Variants in BCAS3 observed in about 807,000 individuals in gnomAD.
BCAS3 encodes the protein BCAS3 microtubule associated cell migration factor.
Under a neutral mutation model 116.1 loss-of-function variants are expected in BCAS3, and 53 were observed. The observed-to-expected ratio is 0.46, with a 90% CI of 0.37 to 0.57. BCAS3 has a LOEUF of 0.57. Ranked by LOEUF, BCAS3 falls within the 20% of genes least tolerant of loss-of-function variation. The probability of loss-of-function intolerance (pLI) is 0.00; values close to 1 mark genes in which losing one functional copy is unlikely to be tolerated. For synonymous variants in BCAS3, 391 were observed against 408.2 expected (o/e 0.96, Z 0.51); for missense variants, 917 against 1,165.4 (o/e 0.79, Z 3.10).
chr17:61,081,310 C>T (rs1447467529), intron 21 of BCAS3, among the ~76,000 whole-genome samples: 1 of 152,106 alleles, frequency 6.6e-6, no homozygotes, highest in African/African-American at 2.4e-5. Flanking sequence ...TGTTTCGTGG[C>T]CTCCTCAGCT....
At chr17:60,931,228 G>A (rs978138984) in intron 13 of BCAS3, among the ~76,000 whole-genome samples, 2 of 152,008 alleles carry the variant, frequency 1.3e-5, no homozygotes, top group Non-Finnish European at 2.9e-5. Context: ...CAGGGACAAA[G>A]TGAATAACAT....
intron 15 of BCAS3, among the ~76,000 whole-genome samples, chr17:60,996,105 A>T (rs2063817457): frequency 6.6e-6 from 1 of 152,092 alleles, no homozygotes; most frequent in South Asian, 2.1e-4. Flanking sequence ...GAGATCGGAG[A>T]GGTAATGAGG....
chr17:60,926,410 T>G (rs565226668), intron 13 of BCAS3, among the ~76,000 whole-genome samples: 2 of 152,316 alleles, frequency 1.3e-5, no homozygotes, highest in South Asian at 4.1e-4. Context: ...AGAATGATAG[T>G]AAGGGATTAT....
At chr17:60,810,608 C>T in intron 7 of BCAS3, 1 of 712,200 alleles carries the variant, frequency 1.4e-6, no homozygotes, top group Non-Finnish European at 2.6e-6. Flanking sequence ...GTGGACAGTG[C>T]CTGCATCGTT....
chr17:60,683,990 C>T lies in BCAS3; in HGVS notation c.92C>T (p.Ser31Phe). Residue 31 changes from serine to phenylalanine, a missense_variant, in exon 3 of 24, where the codon TCC becomes TTC. Around this residue, in one of 3 missense-constraint regions of BCAS3, gnomAD observed 807 missense variants for 1,026.0 expected, o/e 0.79. Coordinates refer to ENST00000407086, the MANE Select transcript of BCAS3 (RefSeq NM_017679.5). Reference sequence around the variant, plus strand: ...ATTTCACCCTTTTCCAGAGAGCAGTCCTACATGGAAAGTGTTGTGACTTTT... The same window carrying T: ...ATTTCACCCTTTTCCAGAGAGCAGTTCTACATGGAAAGTGTTGTGACTTTT... ...VVRPQAVTEQ[S>F]YMESVVTFLQ... The T allele has an allele frequency of 6.2e-7, 1 of 1,613,730 alleles. No homozygotes were observed. The highest frequency in any genetic ancestry group is 8.5e-7 in the Non-Finnish European group (1 of 1,179,744).
At chr17:61,238,442 C>T (rs965756072) in intron 22 of BCAS3, among the ~76,000 whole-genome samples, 9 of 151,856 alleles carry the variant, frequency 5.9e-5, no homozygotes, top group Admixed American at 2.6e-4. Flanking sequence ...AGGCTGGTCT[C>T]GAACTCCTGA....
chr17:61,085,737 T>C (rs2143547495), intron 22 of BCAS3, among the ~76,000 whole-genome samples: 1 of 152,320 alleles, frequency 6.6e-6, no homozygotes, highest in South Asian at 2.1e-4. Context: ...GTAGAGTCGC[T>C]ATCATTGCTT....
At chr17:61,319,493 G>T (rs1413603488) in intron 22 of BCAS3, among the ~76,000 whole-genome samples, 1 of 151,546 alleles carries the variant, frequency 6.6e-6, no homozygotes, top group African/African-American at 2.4e-5. Context: ...TGTCACTGAA[G>T]ATTATAATTA....
rs927895637 is a variant in BCAS3, at chr17:61,118,228, C to T, written c.2425+33664C>T. Reference sequence around the variant, plus strand: ...TGGAGGTAGAAGCCCAGGTTCCTTACCACACTACTGTTACCACCCAATCAG... The same window carrying T: ...TGGAGGTAGAAGCCCAGGTTCCTTATCACACTACTGTTACCACCCAATCAG... On this transcript the variant is annotated intron_variant, in intron 22 of 23. Coordinates refer to ENST00000407086, the MANE Select transcript of BCAS3 (RefSeq NM_017679.5). This position sits in a 1 kb window ranked among gnomAD's most constrained non-coding sequence, Gnocchi z 5.0. Among the ~76,000 whole-genome samples the T allele has an allele frequency of 2.0e-5, 3 of 152,152 alleles. No homozygotes were observed. The highest frequency in any genetic ancestry group is 7.2e-5 in the African/African-American group (3 of 41,418).
intron 6 of BCAS3, among the ~76,000 whole-genome samples, chr17:60,756,190 A>T (rs372551019): frequency 3.4e-4 from 52 of 152,130 alleles, no homozygotes; most frequent in Admixed American, 3.9e-4. Flanking sequence ...TCTCATAAGG[A>T]GTGCACAACT....
At chr17:60,976,691 A>C (rs1023733930) in intron 14 of BCAS3, among the ~76,000 whole-genome samples, 1 of 152,146 alleles carries the variant, frequency 6.6e-6, no homozygotes, top group African/African-American at 2.4e-5. Context: ...CACATCTTGC[A>C]CTGCCCTTAA....
chr17:60,859,572 A>C (rs1261491084), intron 7 of BCAS3, among the ~76,000 whole-genome samples: 6 of 144,410 alleles, frequency 4.2e-5, no homozygotes, highest in Non-Finnish European at 9.1e-5. Context: ...TATGTACCAC[A>C]TTTTTTTTTT....
chr17:61,268,136 C>G (rs1045630520), intron 22 of BCAS3, among the ~76,000 whole-genome samples: 1 of 152,196 alleles, frequency 6.6e-6, no homozygotes, highest in Admixed American at 6.5e-5. Context: ...CTTCTTCCAC[C>G]TTTGTCTGTT....
intron 22 of BCAS3, among the ~76,000 whole-genome samples, chr17:61,319,898 T>TTA (rs1181521183): frequency 1.3e-5 from 2 of 148,804 alleles, no homozygotes; most frequent in African/African-American, 4.9e-5. Context: ...TATTTTTTAT[T>TTA]TTTTTTTTTT....
chr17:60,697,713 G>A (rs773814194), intron 4 of BCAS3, among the ~76,000 whole-genome samples: 1 of 152,088 alleles, frequency 6.6e-6, no homozygotes, highest in Non-Finnish European at 1.5e-5. Context: ...TATACTGAGT[G>A]CAGTCATGGA....
At position 61,327,781 on chromosome 17, in the gene BCAS3, A is replaced by G. The variant is rs552875071; in HGVS notation, c.2426-40546A>G. Among the ~76,000 whole-genome samples, 26 of 152,320 alleles carry G rather than the reference A, an allele frequency of 1.7e-4. No individual in the cohort carries two copies. The South Asian group carries it at 5.0e-3, about 29-fold the overall frequency. On this transcript the variant is annotated intron_variant, in intron 22 of 23. Transcript: ENST00000407086. This position sits in a 1 kb window ranked among gnomAD's most constrained non-coding sequence, Gnocchi z 5.9. ...TGCCTCAGCCTCCCAAAGTGGTGGAATTACAGGCATGAGCCACTGCGCCCT... is the reference window on the plus strand; with the variant it reads ...TGCCTCAGCCTCCCAAAGTGGTGGAGTTACAGGCATGAGCCACTGCGCCCT...
intron 7 of BCAS3, among the ~76,000 whole-genome samples, chr17:60,845,607 G>C (rs2052442566): frequency 2.0e-5 from 3 of 151,886 alleles, no homozygotes; most frequent in African/African-American, 7.3e-5. Flanking sequence ...CACATGCCTG[G>C]GCATGCAAAA....
At position 61,095,446 on chromosome 17, in the gene BCAS3, G is replaced by C. The variant is rs535157589; in HGVS notation, c.2425+10882G>C. ...TACATATAAACCAAAGATCTTTGGG[G>C]TCCTGGGTTTTTTGTTGTTGTTGTC... On this transcript the variant is annotated intron_variant, in intron 22 of 23. Coordinates refer to ENST00000407086, the MANE Select transcript of BCAS3 (RefSeq NM_017679.5). The surrounding 1 kb of genome is among the most constrained non-coding windows in gnomAD (Gnocchi z 4.7). Among the ~76,000 whole-genome samples the C allele has an allele frequency of 6.6e-6, 1 of 151,996 alleles. No individual in the cohort carries two copies. The highest frequency in any genetic ancestry group is 1.5e-5 in the Non-Finnish European group (1 of 67,962).
At chr17:60,732,565 G>T (rs2040562911) in intron 5 of BCAS3, among the ~76,000 whole-genome samples, 1 of 152,162 alleles carries the variant, frequency 6.6e-6, no homozygotes, top group South Asian at 2.1e-4. Flanking sequence ...ACTGGGCTGG[G>T]TGTGGTGGCT....
Sources: allele counts gnomAD v4.1 joint callset (sites outside exome capture counted in the v4.1 genomes callset), GRCh38; gene constraint gnomAD v4.1.1; regional missense constraint gnomAD v4.1.1; non-coding constraint Gnocchi (gnomAD v3.1); transcripts MANE v1.5; gene names NCBI Gene and HGNC (gene_info 2026-07-23, HGNC 2026-07-21).